The following USP48 variants were observed in gnomAD, a reference collection of about 807,000 sequenced individuals.
USP48 encodes the protein ubiquitin carboxyl-terminal hydrolase 48.
USP48 carries 43 observed loss-of-function variants against 150.7 expected under a neutral mutation model. The ratio of observed to expected loss-of-function variants is 0.29; its 90% CI spans 0.22 to 0.37. USP48 has a LOEUF of 0.37. Among genes scored for constraint, USP48 ranks in the 10% least tolerant of loss-of-function variants. USP48 has a pLI of 1.00. For missense variants in USP48, 813 were observed against 1,249.6 expected (o/e 0.65, Z 5.27); for synonymous variants, 396 against 425.9 (o/e 0.93, Z 0.86).
intron 11 of USP48, among the ~76,000 whole-genome samples, chr1:21,726,133 T>A (rs1342342605): frequency 6.6e-6 from 1 of 152,136 alleles, no homozygotes; most frequent in Non-Finnish European, 1.5e-5. Flanking sequence ...GACAGCAGTA[T>A]CTGTTATTGC....
chr1:21,735,464 A>G (rs1242407591), intron 9 of USP48, among the ~76,000 whole-genome samples: 1 of 152,162 alleles, frequency 6.6e-6, no homozygotes, highest in Non-Finnish European at 1.5e-5. Context: ...CATTTTTGCC[A>G]GGTTGGCCGG....
intron 15 of USP48, among the ~76,000 whole-genome samples, chr1:21,714,622 C>T (rs1180986528): frequency 6.6e-6 from 1 of 152,164 alleles, no homozygotes; most frequent in Non-Finnish European, 1.5e-5. Flanking sequence ...GAGAAACAGA[C>T]ACCTGCTTGA....
chr1:21,748,630 G>C (rs959684402), intron 6 of USP48, among the ~76,000 whole-genome samples: 1 of 152,224 alleles, frequency 6.6e-6, no homozygotes, highest in Non-Finnish European at 1.5e-5. Context: ...CAGCAAAAAG[G>C]CTGGGCAACA....
At chr1:21,709,333 G>T (rs935928362) in intron 15 of USP48, among the ~76,000 whole-genome samples, 7 of 151,818 alleles carry the variant, frequency 4.6e-5, no homozygotes, top group African/African-American at 1.2e-4. Flanking sequence ...TTTCCTTCTG[G>T]GTGGGCTGTT....
chr1:21,782,960 C>A lies in USP48; in HGVS notation c.-3G>T. 1 of 1,535,986 alleles carries A rather than the reference C, an allele frequency of 6.5e-7. No homozygotes were observed. The highest frequency in any genetic ancestry group is 8.7e-7 in the Non-Finnish European group (1 of 1,144,614). On this transcript the variant is annotated 5_prime_UTR_variant, in exon 1 of 27. Coordinates refer to ENST00000308271, the MANE Select transcript of USP48 (RefSeq NM_032236.8). ...TCCAGCTGCAGCCGCGGGGCCATGGCCTTGGCCCCAGGAACGCCTCCCGAG... is the reference window on the plus strand; with the variant it reads ...TCCAGCTGCAGCCGCGGGGCCATGGACTTGGCCCCAGGAACGCCTCCCGAG...
At chr1:21,759,181 CAAAAAAAAAA>C (rs11341963) in intron 1 of USP48, among the ~76,000 whole-genome samples, 3 of 69,258 alleles carry the variant, frequency 4.3e-5, no homozygotes, top group African/African-American at 1.2e-4. Context: ...GACACGGTCT[CAAAAAAAAAA>C]AAAAAAAAAA....
intron 14 of USP48, among the ~76,000 whole-genome samples, chr1:21,716,911 C>T (rs1352016076): frequency 6.6e-6 from 1 of 152,090 alleles, no homozygotes; most frequent in Non-Finnish European, 1.5e-5. Flanking sequence ...CCCTGTAGTC[C>T]CAGCTACTCA....
At chr1:21,705,677 T>C (rs761626770) in intron 19 of USP48, 50 bp downstream of exon 19, 19 of 1,338,614 alleles carry the variant, frequency 1.4e-5, no homozygotes, top group South Asian at 4.0e-5. Context: ...TTATTAATCA[T>C]CAAAAAGAGA....
intron 1 of USP48, among the ~76,000 whole-genome samples, chr1:21,780,659 G>C (rs1025538184): frequency 6.6e-6 from 1 of 151,688 alleles, no homozygotes; most frequent in Non-Finnish European, 1.5e-5. Context: ...CGTATTTTAG[G>C]ATTCCATTTA....
intron 13 of USP48, 65 bp from the exon 14 acceptor site, chr1:21,721,231 GC>G: frequency 6.3e-7 from 1 of 1,578,380 alleles, no homozygotes; most frequent in South Asian, 1.1e-5. Flanking sequence ...TCCCTTCTTT[GC>G]CTGTAAAAAC....
At position 21,689,864 on chromosome 1, in the gene USP48, C is replaced by T. The variant is rs930962635; in HGVS notation, c.3009+110G>A. On this transcript the variant is annotated intron_variant, in intron 24 of 26. Coordinates refer to ENST00000308271, the MANE Select transcript of USP48 (RefSeq NM_032236.8). ...AACCCACAGCAGTCATTTATCACTA[C>T]CCTCTGCTAAAGACCCAAGGCATCC... 4.2e-6 allele frequency: 6 copies of T among 1,440,234 alleles called. No individual in the cohort carries two copies. In the Admixed American group the frequency reaches 6.5e-5, roughly 16 times the overall value. 89.2% of individuals were successfully genotyped at this position (1,440,234 alleles called of 1,614,324 possible). A position where few individuals can be genotyped will look rare whatever the true frequency, so the allele number is the denominator to read the frequency against.
intron 1 of USP48, among the ~76,000 whole-genome samples, chr1:21,761,997 G>A (rs1173572389): frequency 2.3e-5 from 2 of 87,632 alleles, no homozygotes; most frequent in Admixed American, 1.5e-4. Context: ...CGGGTGCAGT[G>A]GCTCCTGCCT....
intron 24 of USP48, 33 bp from the exon 25 acceptor site, chr1:21,687,272 A>G: frequency 6.2e-7 from 1 of 1,600,572 alleles, no homozygotes; most frequent in South Asian, 1.1e-5. Context: ...TCAAAACCAC[A>G]AGGGAGAGGG....
chr1:21,690,427 A>T (rs1420959723), intron 23 of USP48, among the ~76,000 whole-genome samples: 1 of 152,172 alleles, frequency 6.6e-6, no homozygotes. Flanking sequence ...GGCTATTCTG[A>T]GGCTTGGGCA....
rs10799711 is a variant in USP48 at position 21,765,528 on chromosome 1, G to C, written c.135-7745C>G. On this transcript the variant is annotated intron_variant, in intron 1 of 26. Coordinates refer to ENST00000308271, the MANE Select transcript of USP48 (RefSeq NM_032236.8). ...CCTACTCCAGAGACTGAGGCAGAAG[G>C]CTCGCTTGAACCCGGGAGGCGGAGG... is the stretch of plus-strand genomic sequence containing the variant. Among the ~76,000 whole-genome samples, 113 of 151,232 alleles carry C rather than the reference G, an allele frequency of 7.5e-4. 1 individual carries two copies. The highest frequency in any genetic ancestry group is 2.6e-3 in the African/African-American group (107 of 41,098).
chr1:21,685,590 CAGGCAT>C (rs2097578442), intron 25 of USP48, among the ~76,000 whole-genome samples: 1 of 152,224 alleles, frequency 6.6e-6, no homozygotes, highest in Non-Finnish European at 1.5e-5. Flanking sequence ...GCTGGGATTA[CAGGCAT>C]GAGCCACTGC....
intron 25 of USP48, chr1:21,685,959 A>C (rs2097579375): frequency 1.3e-5 from 2 of 152,212 alleles, no homozygotes; most frequent in South Asian, 4.1e-4. Flanking sequence ...TCTAGTAAAA[A>C]TACAAAAATT....
intron 26 of USP48, among the ~76,000 whole-genome samples, 156 bp downstream of exon 26, chr1:21,680,649 TGAA>T (rs1221432669): frequency 1.3e-5 from 2 of 152,204 alleles, no homozygotes; most frequent in Non-Finnish European, 2.9e-5. Context: ...AAAAAGATAA[TGAA>T]GAAGCTTGAG....
intron 1 of USP48, among the ~76,000 whole-genome samples, chr1:21,778,601 TAAAAAAAAA>T (rs35911894): frequency 2.2e-5 from 2 of 88,908 alleles, no homozygotes; most frequent in Non-Finnish European, 2.0e-5. Flanking sequence ...ACCCTCATCT[TAAAAAAAAA>T]AAAAAAAAAA....
Sources: allele counts gnomAD v4.1 joint callset (sites outside exome capture counted in the v4.1 genomes callset), GRCh38; gene constraint gnomAD v4.1.1; transcripts MANE v1.5; gene names NCBI Gene and HGNC (gene_info 2026-07-23, HGNC 2026-07-21).